PTPRD: variants seen among roughly 807,000 people sequenced by gnomAD.
The protein encoded by PTPRD is protein tyrosine phosphatase receptor type D.
In PTPRD, 34 loss-of-function variants were observed where a neutral mutation model predicts 214.5. That is an observed-to-expected ratio of 0.16 (90% CI 0.12 to 0.21). The LOEUF (loss-of-function observed/expected upper bound fraction) is 0.21. PTPRD is among the 10% of genes least tolerant of loss of function. The probability of loss-of-function intolerance (pLI) is 1.00; values close to 1 mark genes in which losing one functional copy is unlikely to be tolerated. For missense variants in PTPRD, 2,545 were observed against 2,398.7 expected (o/e 1.06, Z -1.27); for synonymous variants, 1,128 against 845.7 (o/e 1.33, Z -5.79).
In PTPRD at chr9:8,974,294, T is replaced by C. The variant is rs147534252; in HGVS notation, c.-104+44403A>G. 1.8e-4 allele frequency among the ~76,000 whole-genome samples: 28 copies of C among 152,244 alleles called. No homozygotes were observed. In the East Asian group the frequency reaches 4.8e-3, roughly 26 times the overall value. Reference sequence around the variant, plus strand: ...TAGCCAGTTATCCCAGCACCATTTATTGAATAGGGAATCTTTTTCTTATTG... The same window carrying C: ...TAGCCAGTTATCCCAGCACCATTTACTGAATAGGGAATCTTTTTCTTATTG... On this transcript the variant is annotated intron_variant, in intron 11 of 45. Transcript: ENST00000381196.
intron 27 of PTPRD, among the ~76,000 whole-genome samples, chr9:8,488,183 G>C (rs2097073575): frequency 6.6e-6 from 1 of 152,200 alleles, no homozygotes; most frequent in Non-Finnish European, 1.5e-5. Context: ...ATTAACCTCA[G>C]AGATGGACTG....
At chr9:9,316,221 T>G (rs374337320) in intron 9 of PTPRD, among the ~76,000 whole-genome samples, 103 of 152,088 alleles carry the variant, frequency 6.8e-4, no homozygotes, top group African/African-American at 2.4e-3. Flanking sequence ...TCCACCCCTA[T>G]GTCTCCCTCT....
chr9:9,069,153 A>T (rs1055352345), intron 10 of PTPRD, among the ~76,000 whole-genome samples: 1 of 152,194 alleles, frequency 6.6e-6, no homozygotes, highest in Non-Finnish European at 1.5e-5. Flanking sequence ...TCAAGGTGGA[A>T]CTTTAAATTC....
chr9:10,597,127 T>C (rs1049514119), intron 2 of PTPRD, among the ~76,000 whole-genome samples: 3 of 151,456 alleles, frequency 2.0e-5, no homozygotes, highest in African/African-American at 7.3e-5. Context: ...CATATATGTA[T>C]GACCAAGGAT....
rs374139224 is a variant in PTPRD, at chr9:10,235,902, G to A, written c.-545+105061C>T. ...TCTTTGTGTGAGACATAACCTTTGG[G>A]GTGTGAATTATTTTAGTGCATTCCA... is the stretch of plus-strand genomic sequence containing the variant. On this transcript the variant is annotated intron_variant, in intron 3 of 45. Transcript: ENST00000381196. Among the ~76,000 whole-genome samples, 7 of 151,960 alleles carry A rather than the reference G, an allele frequency of 4.6e-5. No homozygotes were observed. In the East Asian group the frequency reaches 1.2e-3, roughly 25 times the overall value.
At chr9:10,182,293 A>G (rs887751439) in intron 3 of PTPRD, among the ~76,000 whole-genome samples, 29 of 151,400 alleles carry the variant, frequency 1.9e-4, no homozygotes, top group African/African-American at 7.0e-4. Context: ...AAGAAAAAAG[A>G]AAGGAATGCA....
At chr9:8,918,418 C>T (rs2098802241) in intron 11 of PTPRD, among the ~76,000 whole-genome samples, 1 of 152,080 alleles carries the variant, frequency 6.6e-6, no homozygotes, top group African/African-American at 2.4e-5. Flanking sequence ...GTTTTTTAAA[C>T]AGTGGATTTG....
intron 10 of PTPRD, among the ~76,000 whole-genome samples, chr9:9,153,991 T>C (rs973812925): frequency 2.0e-5 from 3 of 152,294 alleles, no homozygotes; most frequent in South Asian, 2.1e-4. Context: ...CCTGTTGACA[T>C]TGAAGATAGC....
chr9:10,127,044 G>A (rs1464154310), intron 3 of PTPRD, among the ~76,000 whole-genome samples: 1 of 150,746 alleles, frequency 6.6e-6, no homozygotes, highest in East Asian at 1.9e-4. Context: ...GGGAAAGCAA[G>A]GGAAACATAC....
At chr9:8,380,088 G>T (rs923404819) in intron 37 of PTPRD, among the ~76,000 whole-genome samples, 2 of 152,108 alleles carry the variant, frequency 1.3e-5, no homozygotes, top group African/African-American at 2.4e-5. Context: ...ATTTTTGTGT[G>T]TGGGGGGTTG....
At chr9:8,508,875 A>G (rs1538191) in intron 21 of PTPRD, among the ~76,000 whole-genome samples, 118,053 of 150,930 alleles carry the variant, frequency 0.78, 46,388 homozygotes, top group South Asian at 0.87. Context: ...GTGTATATAT[A>G]TGTGTGTGTG....
At chr9:9,207,340 C>T (rs550045857) in intron 9 of PTPRD, among the ~76,000 whole-genome samples, 5 of 152,080 alleles carry the variant, frequency 3.3e-5, no homozygotes, top group East Asian at 3.9e-4. Flanking sequence ...ACATAGAATT[C>T]GGGGTGCAGA....
At position 10,508,943 on chromosome 9, in the gene PTPRD, T is replaced by TA. The variant is rs553347485; in HGVS notation, c.-600+103454dup. ...ATGTACCCTAGAACTTAGAGTATAA[T>TA]AAAAAAATAAAATAATAGTAAAAAT... On this transcript the variant is annotated intron_variant, in intron 2 of 45. Coordinates refer to ENST00000381196, the MANE Select transcript of PTPRD (RefSeq NM_002839.4). 7.2e-5 allele frequency among the ~76,000 whole-genome samples: 11 copies of TA among 152,014 alleles called. No homozygotes were observed. In the South Asian group the frequency reaches 2.1e-3, roughly 29 times the overall value.
chr9:9,814,397 C>A (rs1752442726), intron 5 of PTPRD, among the ~76,000 whole-genome samples: 1 of 150,882 alleles, frequency 6.6e-6, no homozygotes, highest in South Asian at 2.1e-4. Context: ...AACCCTCAAC[C>A]CCCCACTATA....
At chr9:8,612,094 G>A (rs1006666719) in intron 14 of PTPRD, among the ~76,000 whole-genome samples, 8 of 151,178 alleles carry the variant, frequency 5.3e-5, no homozygotes, top group African/African-American at 2.0e-4. Flanking sequence ...TAAATATCAA[G>A]ACCTTGTGAA....
intron 9 of PTPRD, among the ~76,000 whole-genome samples, chr9:9,325,462 T>A (rs1021557525): frequency 1.3e-5 from 2 of 152,212 alleles, no homozygotes; most frequent in East Asian, 1.9e-4. Context: ...CCATTGTGAA[T>A]GAGAGGTCAC....
chr9:8,484,628 A>ATATATGTATATCTATATATG (rs1403322175), intron 29 of PTPRD, among the ~76,000 whole-genome samples: 1 of 151,784 alleles, frequency 6.6e-6, no homozygotes, highest in African/African-American at 2.4e-5. Flanking sequence ...ATATATATAT[A>ATATATGTATATCTATATATG]TAGAAAATAA....
chr9:8,810,412 G>A (rs1265048927), intron 11 of PTPRD, among the ~76,000 whole-genome samples: 2 of 152,020 alleles, frequency 1.3e-5, no homozygotes, highest in East Asian at 3.9e-4. Flanking sequence ...CATCACCCTG[G>A]ATCTCAAGCT....
intron 5 of PTPRD, among the ~76,000 whole-genome samples, chr9:9,788,784 G>T (rs1222722726): frequency 6.6e-6 from 1 of 151,870 alleles, no homozygotes; most frequent in Admixed American, 6.6e-5. Context: ...ATATTTTAAA[G>T]AATATTTTTT....
Sources: allele counts gnomAD v4.1 joint callset (sites outside exome capture counted in the v4.1 genomes callset), GRCh38; gene constraint gnomAD v4.1.1; transcripts MANE v1.5; gene names NCBI Gene and HGNC (gene_info 2026-07-23, HGNC 2026-07-21).